Variants in AK5 observed in about 807,000 individuals in gnomAD.
The protein encoded by AK5 is adenylate kinase isoenzyme 5.
In AK5, 27 loss-of-function variants were observed where a neutral mutation model predicts 69.5. That is an observed-to-expected ratio of 0.39 (90% CI 0.29 to 0.54). The LOEUF is 0.54. Among genes scored for constraint, AK5 ranks in the 20% least tolerant of loss-of-function variants. The pLI is 0.71. For synonymous variants in AK5, 260 were observed against 244.4 expected (o/e 1.06, Z -0.60); for missense variants, 531 against 700.4 (o/e 0.76, Z 2.73).
chr1:77,397,298 C>T (rs1648896275), intron 6 of AK5, among the ~76,000 whole-genome samples: 1 of 152,118 alleles, frequency 6.6e-6, no homozygotes, highest in Non-Finnish European at 1.5e-5. Flanking sequence ...ACCGCCTGGC[C>T]CCCAGGACCT....
At chr1:77,470,852 TATATATATATATATATATATATA>T (rs371248411) in intron 8 of AK5, among the ~76,000 whole-genome samples, 1,219 of 31,622 alleles carry the variant, frequency 0.039, 53 homozygotes, top group South Asian at 0.062. Flanking sequence ...TATATATATA[TATATATATATATATATATATATA>T]TTTTTTTTTT....
At chr1:77,468,299 C>A (rs1239141758) in intron 8 of AK5, among the ~76,000 whole-genome samples, 1 of 152,186 alleles carries the variant, frequency 6.6e-6, no homozygotes, top group African/African-American at 2.4e-5. Flanking sequence ...CACTGCTAGC[C>A]CATATGGTAC....
chr1:77,295,801 AT>A (rs1658970960), intron 3 of AK5, among the ~76,000 whole-genome samples: 1 of 152,298 alleles, frequency 6.6e-6, no homozygotes, highest in African/African-American at 2.4e-5. Flanking sequence ...GAGCACAAAT[AT>A]TTTTTGTGTG....
intron 8 of AK5, among the ~76,000 whole-genome samples, chr1:77,469,690 A>G (rs1163918746): frequency 6.6e-6 from 1 of 152,254 alleles, no homozygotes; most frequent in Non-Finnish European, 1.5e-5. Flanking sequence ...GGGATGACCC[A>G]AACTGTGCTC....
At chr1:77,414,340 G>A (rs902938625) in intron 7 of AK5, among the ~76,000 whole-genome samples, 4 of 152,200 alleles carry the variant, frequency 2.6e-5, no homozygotes, top group African/African-American at 9.7e-5. Context: ...GGTTGGAGGA[G>A]TTTTATTTAC....
At chr1:77,548,489 T>A (rs1043878335) in intron 13 of AK5, among the ~76,000 whole-genome samples, 1 of 152,194 alleles carries the variant, frequency 6.6e-6, no homozygotes, top group Non-Finnish European at 1.5e-5. Context: ...CTGTGTCTTG[T>A]TTAACAGGGG....
At chr1:77,401,721 C>T (rs763120932) in intron 6 of AK5, among the ~76,000 whole-genome samples, 1 of 152,154 alleles carries the variant, frequency 6.6e-6, no homozygotes, top group Non-Finnish European at 1.5e-5. Flanking sequence ...CTCATTTCCG[C>T]CATTAAAAAT....
chr1:77,368,285 ATATATATG>A (rs1647052112), intron 6 of AK5, among the ~76,000 whole-genome samples: 1 of 81,562 alleles, frequency 1.2e-5, no homozygotes, highest in African/African-American at 4.7e-5. Context: ...TATATATGTT[ATATATATG>A]TTATATATAA....
intron 8 of AK5, among the ~76,000 whole-genome samples, chr1:77,475,195 A>ATATATATATGTG (rs1182380859): frequency 6.1e-3 from 177 of 29,046 alleles, no homozygotes; most frequent in African/African-American, 0.012. Flanking sequence ...ATATATATAT[A>ATATATATATGTG]TGTGTGTGTG....
At chr1:77,354,523 C>T (rs920024896) in intron 6 of AK5, among the ~76,000 whole-genome samples, 2 of 152,176 alleles carry the variant, frequency 1.3e-5, no homozygotes, top group African/African-American at 4.8e-5. Flanking sequence ...AGCGCAGTGC[C>T]AGACTGTAGT....
chr1:77,547,497 C>T (rs965352049), intron 13 of AK5, among the ~76,000 whole-genome samples: 6 of 152,132 alleles, frequency 3.9e-5, no homozygotes, highest in Non-Finnish European at 5.9e-5. Context: ...TGGTCTCAAT[C>T]TCTTAACCTC....
intron 8 of AK5, among the ~76,000 whole-genome samples, chr1:77,461,069 T>G (rs1253749424): frequency 1.4e-5 from 2 of 145,122 alleles, no homozygotes; most frequent in Admixed American, 7.0e-5. Context: ...AGTCTGGGTC[T>G]TTCGCCCAGG....
chr1:77,480,279 C>T (rs1655181274), intron 8 of AK5, among the ~76,000 whole-genome samples: 1 of 152,118 alleles, frequency 6.6e-6, no homozygotes, highest in African/African-American at 2.4e-5. Flanking sequence ...GTCAGTGCAC[C>T]GCATTCCTGG....
chr1:77,388,553 G>A (rs3844165), intron 6 of AK5, among the ~76,000 whole-genome samples: 34,454 of 141,740 alleles, frequency 0.24, 4,937 homozygotes, highest in Non-Finnish European at 0.32. Context: ...GAACCTGGTC[G>A]TTCTTTTGGT....
At chr1:77,373,058 T>C (rs894320575) in intron 6 of AK5, among the ~76,000 whole-genome samples, 2 of 152,248 alleles carry the variant, frequency 1.3e-5, no homozygotes, top group African/African-American at 4.8e-5. Context: ...TTTTTGGAAT[T>C]GTGTCTAAGA....
At chr1:77,341,747 A>G (rs1461023551) in intron 6 of AK5, among the ~76,000 whole-genome samples, 1 of 152,180 alleles carries the variant, frequency 6.6e-6, no homozygotes, top group Non-Finnish European at 1.5e-5. Flanking sequence ...GTCATGTCGC[A>G]GAGTTGTAAG....
At chr1:77,482,336 G>A (rs1230543089) in intron 8 of AK5, among the ~76,000 whole-genome samples, 3 of 152,100 alleles carry the variant, frequency 2.0e-5, no homozygotes, top group Non-Finnish European at 4.4e-5. Context: ...ACCACCATGG[G>A]CTACTCCATA....
intron 1 of AK5, chr1:77,282,851 G>A (rs1658138410): frequency 2.0e-6 from 2 of 987,840 alleles, no homozygotes; most frequent in Admixed American, 1.2e-4. Context: ...GCCCTTCCTG[G>A]AGACAGCTTG....
At chr1:77,466,079 C>T (rs1051387191) in intron 8 of AK5, among the ~76,000 whole-genome samples, 5 of 152,174 alleles carry the variant, frequency 3.3e-5, no homozygotes, top group South Asian at 2.1e-4. Flanking sequence ...CACCATGGCC[C>T]GTGAGGCTCT....
Sources: allele counts gnomAD v4.1 joint callset (sites outside exome capture counted in the v4.1 genomes callset), GRCh38; gene constraint gnomAD v4.1.1; transcripts MANE v1.5; gene names NCBI Gene and HGNC (gene_info 2026-07-23, HGNC 2026-07-21).